MAGI2: variants seen among roughly 807,000 people sequenced by gnomAD.
MAGI2 encodes the protein membrane-associated guanylate kinase, WW and PDZ domain-containing protein 2.
A neutral mutation model predicts 133.3 loss-of-function variants in MAGI2; 35 were observed. The observed-to-expected ratio is 0.26, with a 90% CI of 0.20 to 0.35. The LOEUF (loss-of-function observed/expected upper bound fraction) is 0.35, where lower values mean the gene tolerates loss of function less well. Among genes scored for constraint, MAGI2 ranks in the 10% least tolerant of loss-of-function variants. MAGI2 has a pLI of 1.00. For missense variants in MAGI2, 1,636 were observed against 1,863.4 expected, an observed-to-expected ratio of 0.88 and a Z score of 2.25; for synonymous variants, 729 against 710.6, an observed-to-expected ratio of 1.03 and a Z score of -0.41.
At chr7:79,452,927 AC>A (rs1379631339) in intron 1 of MAGI2, 92 bp downstream of exon 1, 40 of 1,356,218 alleles carry the variant, frequency 2.9e-5, no homozygotes, top group Non-Finnish European at 3.6e-5. Flanking sequence ...CGCGCAACAC[AC>A]CCCCTTCAAC....
At chr7:78,831,740 C>CAT (rs1455922917) in intron 2 of MAGI2, among the ~76,000 whole-genome samples, 2 of 152,162 alleles carry the variant, frequency 1.3e-5, no homozygotes, top group African/African-American at 4.8e-5. Flanking sequence ...AATAAAGTTA[C>CAT]ATATCTTTTT....
chr7:78,493,978 CT>C (rs373155228), intron 5 of MAGI2, among the ~76,000 whole-genome samples: 194 of 150,414 alleles, frequency 1.3e-3, no homozygotes, highest in Middle Eastern at 3.4e-3. Context: ...CTTTCCTATT[CT>C]TTTTTTTTTC....
chr7:78,298,317 A>G (rs1228208012), intron 9 of MAGI2, among the ~76,000 whole-genome samples: 1 of 152,240 alleles, frequency 6.6e-6, no homozygotes, highest in African/African-American at 2.4e-5. Flanking sequence ...ACCCTGGGAC[A>G]GAAAAAGAAC....
intron 21 of MAGI2, among the ~76,000 whole-genome samples, chr7:78,040,889 C>T (rs958571845): frequency 6.6e-6 from 1 of 152,216 alleles, no homozygotes; most frequent in African/African-American, 2.4e-5. Flanking sequence ...AGTCATCCTT[C>T]CAAGGCGGCT....
chr7:78,048,077 T>G (rs1210252541), intron 21 of MAGI2, among the ~76,000 whole-genome samples: 1 of 152,184 alleles, frequency 6.6e-6, no homozygotes, highest in Non-Finnish European at 1.5e-5. Context: ...TTCCTAACAG[T>G]GCCAAAGTAA....
intron 2 of MAGI2, among the ~76,000 whole-genome samples, chr7:78,754,994 T>C (rs1020112087): frequency 6.6e-6 from 1 of 152,218 alleles, no homozygotes; most frequent in Non-Finnish European, 1.5e-5. Flanking sequence ...TGGTCTCTAT[T>C]ATGAAAAATG....
intron 2 of MAGI2, among the ~76,000 whole-genome samples, chr7:78,743,159 G>A (rs1822587744): frequency 6.6e-6 from 1 of 152,154 alleles, no homozygotes; most frequent in African/African-American, 2.4e-5. Flanking sequence ...GATTTGTTAT[G>A]CAGGAATAGT....
At chr7:78,268,519 C>T (rs1794238297) in intron 9 of MAGI2, among the ~76,000 whole-genome samples, 1 of 152,124 alleles carries the variant, frequency 6.6e-6, no homozygotes, top group Admixed American at 6.5e-5. Flanking sequence ...GTCCCCATTA[C>T]ATAGAAGAGG....
At chr7:79,206,471 G>A (rs1471195946) in intron 1 of MAGI2, among the ~76,000 whole-genome samples, 1 of 151,702 alleles carries the variant, frequency 6.6e-6, no homozygotes, top group Non-Finnish European at 1.5e-5. Context: ...TAATCTAGAA[G>A]AAGTGGACAA....
At chr7:78,651,798 A>G (rs1259263938) in intron 2 of MAGI2, among the ~76,000 whole-genome samples, 3 of 152,096 alleles carry the variant, frequency 2.0e-5, no homozygotes, top group Admixed American at 6.6e-5. Context: ...TCCTTTTAAA[A>G]GTGGTAATTT....
intron 1 of MAGI2, among the ~76,000 whole-genome samples, chr7:79,078,694 G>A (rs1260022075): frequency 6.6e-6 from 1 of 152,126 alleles, no homozygotes; most frequent in Non-Finnish European, 1.5e-5. Context: ...TTGGTAATTG[G>A]AAGTCAATGA....
At chr7:78,356,291 G>A (rs2151218540) in intron 7 of MAGI2, among the ~76,000 whole-genome samples, 1 of 152,264 alleles carries the variant, frequency 6.6e-6, no homozygotes, top group Non-Finnish European at 1.5e-5. Flanking sequence ...AAAGAATGCT[G>A]CATGTTGTAG....
intron 12 of MAGI2, among the ~76,000 whole-genome samples, chr7:78,187,815 T>A (rs1193241513): frequency 6.6e-6 from 1 of 152,192 alleles, no homozygotes; most frequent in Non-Finnish European, 1.5e-5. Flanking sequence ...TTTTATGTTA[T>A]ACTCTCACGA....
At chr7:78,677,648 G>C (rs1409166317) in intron 2 of MAGI2, among the ~76,000 whole-genome samples, 2 of 152,032 alleles carry the variant, frequency 1.3e-5, no homozygotes, top group Non-Finnish European at 1.5e-5. Context: ...TTTCTTCTGA[G>C]TTAAGAAGTC....
intron 10 of MAGI2, among the ~76,000 whole-genome samples, chr7:78,250,897 A>G (rs1056488971): frequency 1.9e-4 from 29 of 152,096 alleles, no homozygotes; most frequent in Admixed American, 9.8e-4. Flanking sequence ...TGAAGCCACT[A>G]TTATCCTGAC....
intron 10 of MAGI2, among the ~76,000 whole-genome samples, chr7:78,207,134 A>C (rs17236314): frequency 0.19 from 28,673 of 152,122 alleles, 3,470 homozygotes; most frequent in Non-Finnish European, 0.27. Flanking sequence ...GAAAGTAATA[A>C]ATGGAGAGAG....
intron 1 of MAGI2, among the ~76,000 whole-genome samples, chr7:79,152,787 A>G (rs1324344999): frequency 6.6e-6 from 1 of 152,168 alleles, no homozygotes; most frequent in Admixed American, 6.5e-5. Context: ...CCCACATCAT[A>G]CCTGTTCTCT....
intron 2 of MAGI2, among the ~76,000 whole-genome samples, chr7:78,933,767 G>A (rs907516773): frequency 1.3e-5 from 2 of 152,066 alleles, no homozygotes; most frequent in African/African-American, 4.8e-5. Flanking sequence ...ATTCATAAGA[G>A]AACAATAAAT....
rs147594302 is a variant in MAGI2, at chr7:79,339,779, T to A, written c.301+113241A>T. On this transcript the variant is annotated intron_variant, in intron 1 of 21. Coordinates refer to ENST00000354212, the MANE Select transcript of MAGI2 (RefSeq NM_012301.4). ...ATGAATATCTTGTCTGGACATGAAATCCCTGGCTTAAACTTTGTTTCCTTG... is the reference window on the plus strand; with the variant it reads ...ATGAATATCTTGTCTGGACATGAAAACCCTGGCTTAAACTTTGTTTCCTTG... Among the ~76,000 whole-genome samples, 11 of 152,236 alleles carry A rather than the reference T, an allele frequency of 7.2e-5. No individual in the cohort carries two copies. In the South Asian group the frequency reaches 1.2e-3, roughly 17 times the overall value.
Sources: gnomAD v4.1 joint callset for allele counts (sites outside exome capture counted in the v4.1 genomes callset) on GRCh38, gnomAD v4.1.1 for gene constraint, MANE v1.5 for transcripts, NCBI Gene and HGNC (gene_info 2026-07-23, HGNC 2026-07-21) for gene names.